SHISA9: variants seen among roughly 807,000 people sequenced by gnomAD.
SHISA9 encodes shisa family member 9, also known as protein shisa-9.
A neutral mutation model predicts 38.0 loss-of-function variants in SHISA9; 13 were observed. The ratio of observed to expected loss-of-function variants is 0.34; its 90% CI spans 0.22 to 0.54. The LOEUF (loss-of-function observed/expected upper bound fraction) is 0.54. Ranked by LOEUF, SHISA9 falls within the 20% of genes least tolerant of loss-of-function variation. The pLI is 0.91. For missense variants in SHISA9, 538 were observed against 575.8 expected (o/e 0.93, Z 0.67); for synonymous variants, 275 against 242.0 (o/e 1.14, Z -1.27).
chr16:13,481,982 AGCACTCTTTACAT>A, the SHISA9 span, among the ~76,000 whole-genome samples: 1 of 152,210 alleles, frequency 6.6e-6, no homozygotes, highest in South Asian at 2.1e-4. Flanking sequence ...CCACTGACAC[AGCACTCTTTACAT>A]GCATTCCTTC....
At chr16:13,323,012 C>A in the SHISA9 span, among the ~76,000 whole-genome samples, 5 of 152,236 alleles carry the variant, frequency 3.3e-5, no homozygotes, top group Admixed American at 2.0e-4. Context: ...ATCTCAGAGT[C>A]CCAGAATCTT....
chr16:13,375,856 A>T, the SHISA9 span, among the ~76,000 whole-genome samples: 3 of 152,170 alleles, frequency 2.0e-5, no homozygotes, highest in African/African-American at 7.2e-5. Flanking sequence ...AATAGATCTG[A>T]AGATTCAACC....
the SHISA9 span, among the ~76,000 whole-genome samples, chr16:13,539,316 AT>A: frequency 2.4e-5 from 2 of 84,616 alleles, no homozygotes; most frequent in South Asian, 7.8e-4. Context: ...ATATATATAT[AT>A]AAAGACAGGA....
In SHISA9 at chr16:13,120,749, G is replaced by A. The variant is rs551770063; in HGVS notation, c.692-82645G>A. Among the ~76,000 whole-genome samples the A allele has an allele frequency of 5.9e-5, 9 of 152,288 alleles. No individual in the cohort carries two copies. In the East Asian group the frequency reaches 1.7e-3, roughly 29 times the overall value. ...GAAGAATGCGTAGAGGGGCAGGGCT[G>A]ATTAAATAACAATACTGTTAGCGAG... On this transcript the variant is annotated intron_variant, in intron 2 of 4. Coordinates refer to ENST00000558583, the MANE Select transcript of SHISA9 (RefSeq NM_001145204.3).
the SHISA9 span, among the ~76,000 whole-genome samples, chr16:13,493,696 G>A: frequency 6.6e-6 from 1 of 151,854 alleles, no homozygotes; most frequent in Non-Finnish European, 1.5e-5. Context: ...TGAGAGCCAA[G>A]ATGTGAGAAC....
the SHISA9 span, among the ~76,000 whole-genome samples, chr16:13,410,020 G>A: frequency 1.3e-5 from 2 of 152,192 alleles, no homozygotes; most frequent in Non-Finnish European, 2.9e-5. Flanking sequence ...AAATATGGTG[G>A]CAATGATTAT....
chr16:13,354,394 G>A, the SHISA9 span, among the ~76,000 whole-genome samples: 3 of 147,726 alleles, frequency 2.0e-5, no homozygotes, highest in African/African-American at 7.5e-5. Context: ...TGAATGTCAG[G>A]TGGATCAGAG....
chr16:13,209,360 C>G (rs2051096890), intron 3 of SHISA9, among the ~76,000 whole-genome samples: 1 of 152,104 alleles, frequency 6.6e-6, no homozygotes, highest in Non-Finnish European at 1.5e-5. Context: ...TGAAAGTTAA[C>G]TCATGTCAGG....
intron 2 of SHISA9, among the ~76,000 whole-genome samples, chr16:13,125,820 A>G (rs2141982087): frequency 6.6e-6 from 1 of 152,314 alleles, no homozygotes; most frequent in East Asian, 1.9e-4. Context: ...GTGCTCAAGA[A>G]ATATTTATTT....
At chr16:12,938,258 G>C (rs1249276362) in intron 2 of SHISA9, among the ~76,000 whole-genome samples, 1 of 152,180 alleles carries the variant, frequency 6.6e-6, no homozygotes, top group Non-Finnish European at 1.5e-5. Context: ...CAGCAGCCTG[G>C]GGGAATTGAG....
chr16:13,500,126 G>A, the SHISA9 span, among the ~76,000 whole-genome samples: 1 of 152,280 alleles, frequency 6.6e-6, no homozygotes, highest in African/African-American at 2.4e-5. Context: ...GGATCATAGG[G>A]GCGGTTTCCC....
chr16:12,955,006 G>A (rs979139425), intron 2 of SHISA9, among the ~76,000 whole-genome samples: 1 of 151,882 alleles, frequency 6.6e-6, no homozygotes, highest in Admixed American at 6.6e-5. Context: ...CCTGGTACAG[G>A]GTTATCTCCT....
chr16:13,061,114 G>A (rs1269635683), intron 2 of SHISA9, among the ~76,000 whole-genome samples: 1 of 152,148 alleles, frequency 6.6e-6, no homozygotes, highest in African/African-American at 2.4e-5. Context: ...CTGCCTCTTG[G>A]AAGCCAATCC....
the SHISA9 span, among the ~76,000 whole-genome samples, chr16:13,252,844 T>G: frequency 6.6e-6 from 1 of 152,162 alleles, no homozygotes; most frequent in Non-Finnish European, 1.5e-5. Context: ...TTGAATGAAT[T>G]AATGAATGAA....
At chr16:13,262,244 A>G in the SHISA9 span, among the ~76,000 whole-genome samples, 1 of 152,318 alleles carries the variant, frequency 6.6e-6, no homozygotes, top group South Asian at 2.1e-4. Context: ...AAAGAATGGG[A>G]TTGATACCAG....
chr16:13,512,624 G>A, the SHISA9 span, among the ~76,000 whole-genome samples: 1 of 152,162 alleles, frequency 6.6e-6, no homozygotes, highest in Non-Finnish European at 1.5e-5. Flanking sequence ...CAAGGCAACA[G>A]TAACCAAAAC....
At chr16:12,928,629 A>G (rs767960895) in intron 2 of SHISA9, among the ~76,000 whole-genome samples, 18 of 152,242 alleles carry the variant, frequency 1.2e-4, no homozygotes, top group Non-Finnish European at 1.5e-4. Flanking sequence ...CTCACCTACT[A>G]TCCAAAGGAA....
chr16:13,173,018 G>A (rs372093664), intron 2 of SHISA9, among the ~76,000 whole-genome samples: 42 of 152,170 alleles, frequency 2.8e-4, no homozygotes, highest in African/African-American at 9.9e-4. Flanking sequence ...AACATATAAT[G>A]ATGCTTTAAT....
the SHISA9 span, among the ~76,000 whole-genome samples, chr16:13,406,965 G>A: frequency 6.6e-6 from 1 of 150,990 alleles, no homozygotes; most frequent in African/African-American, 2.4e-5. Context: ...CTACTTGGGA[G>A]GCTGAGGCAG....
Sources: allele counts gnomAD v4.1 joint callset (sites outside exome capture counted in the v4.1 genomes callset), GRCh38; gene constraint gnomAD v4.1.1; transcripts MANE v1.5; gene names NCBI Gene and HGNC (gene_info 2026-07-23, HGNC 2026-07-21).